The following TXLNB variants were observed in gnomAD, a reference collection of about 807,000 sequenced individuals.
TXLNB encodes the protein beta-taxilin.
TXLNB carries 37 observed loss-of-function variants against 57.4 expected under a neutral mutation model. That is an observed-to-expected ratio of 0.64 (90% confidence interval 0.50 to 0.85). TXLNB has a LOEUF of 0.85. Ranked by LOEUF, TXLNB falls within the 40% of genes least tolerant of loss-of-function variation. TXLNB has a pLI of 0.00. For synonymous variants in TXLNB, 302 were observed against 309.6 expected (o/e 0.98, Z 0.26); for missense variants, 848 against 825.6 (o/e 1.03, Z -0.33).
the TXLNB span, among the ~76,000 whole-genome samples, chr6:139,187,889 A>T: frequency 2.0e-5 from 3 of 152,228 alleles, no homozygotes; most frequent in Non-Finnish European, 4.4e-5. Flanking sequence ...TGTTAAATGA[A>T]ATCATTAAAT....
the TXLNB span, among the ~76,000 whole-genome samples, chr6:139,225,761 C>T: frequency 6.6e-6 from 1 of 152,086 alleles, no homozygotes; most frequent in East Asian, 1.9e-4. Context: ...TTGATTTATA[C>T]ATTAAATTCA....
the TXLNB span, among the ~76,000 whole-genome samples, chr6:139,217,599 C>T: frequency 0.25 from 37,606 of 151,930 alleles, 5,070 homozygotes; most frequent in African/African-American, 0.36. Context: ...CTGGGCGTGG[C>T]GGCTCACACC....
At chr6:139,271,741 G>A (rs940550865) in intron 3 of TXLNB, 23 of 152,184 alleles carry the variant, frequency 1.5e-4, no homozygotes, top group African/African-American at 4.8e-4. Flanking sequence ...GTGGACTCTA[G>A]GAGTGTCGAT....
chr6:139,230,602 T>G, the TXLNB span, among the ~76,000 whole-genome samples: 1 of 152,214 alleles, frequency 6.6e-6, no homozygotes, highest in African/African-American at 2.4e-5. Flanking sequence ...CTGGTCTCTG[T>G]GAGGAATGGC....
At chr6:139,234,910 A>G in the TXLNB span, among the ~76,000 whole-genome samples, 1 of 152,200 alleles carries the variant, frequency 6.6e-6, no homozygotes, top group African/African-American at 2.4e-5. Context: ...AGGGCACTGC[A>G]CCCTGCAAAG....
rs1777090004 is a variant in TXLNB, at chr6:139,283,020, TAGG to T, written c.424+5453_424+5455del. 3 of 144,940 alleles carry T rather than the reference TAGG, an allele frequency of 2.1e-5. 1 individual carries two copies. In the South Asian group the frequency reaches 7.0e-4, roughly 34 times the overall value. The allele number at this position is 144,940 out of a possible 1,614,324, so 9.0% of individuals were successfully genotyped here. A position where few individuals can be genotyped will look rare whatever the true frequency, so the allele number is the denominator to read the frequency against. On this transcript the variant is annotated intron_variant, in intron 2 of 9. Transcript: ENST00000358430. Reference sequence around the variant, plus strand: ...TACCTCTGAGCCTGGAGGATGCGAGTAGGAGAACAAAGGGGATACTTTAGATGT... The same window carrying T: ...TACCTCTGAGCCTGGAGGATGCGAGTAGAACAAAGGGGATACTTTAGATGT...
intron 2 of TXLNB, among the ~76,000 whole-genome samples, chr6:139,283,659 T>G (rs1208447847): frequency 6.9e-6 from 1 of 145,616 alleles, no homozygotes; most frequent in Non-Finnish European, 1.5e-5. Flanking sequence ...CCATCACTAT[T>G]TTAGATCTTC....
the TXLNB span, among the ~76,000 whole-genome samples, chr6:139,161,514 C>T: frequency 7.3e-3 from 1,106 of 152,290 alleles, 11 homozygotes; most frequent in African/African-American, 0.025. Context: ...CATGTGTGCA[C>T]TTCTGTTAGA....
chr6:139,278,898 G>T (rs1331454856), intron 2 of TXLNB, among the ~76,000 whole-genome samples: 1 of 152,174 alleles, frequency 6.6e-6, no homozygotes, highest in East Asian at 1.9e-4. Context: ...CAGCTACTCG[G>T]GAGGCTGAGG....
chr6:139,170,049 T>C, the TXLNB span: 4 of 152,234 alleles, frequency 2.6e-5, no homozygotes, highest in Non-Finnish European at 4.4e-5. Context: ...AGGGTTGAAA[T>C]AACCTCATTG....
the TXLNB span, among the ~76,000 whole-genome samples, chr6:139,230,922 C>A: frequency 2.0e-5 from 3 of 152,318 alleles, no homozygotes; most frequent in Admixed American, 2.0e-4. Context: ...AGCCCCAACA[C>A]ATACACATTG....
intron 8 of TXLNB, 21 bp downstream of exon 8, chr6:139,247,796 T>C (rs764755899): frequency 2.0e-6 from 3 of 1,516,288 alleles, no homozygotes; most frequent in East Asian, 2.3e-5. Context: ...CAATATTTTG[T>C]TGGTGATAAG....
chr6:139,218,148 T>A, the TXLNB span, among the ~76,000 whole-genome samples: 2 of 152,190 alleles, frequency 1.3e-5, 1 homozygote, highest in South Asian at 4.1e-4. Context: ...GCAGCAAATG[T>A]GTGACCAATT....
chr6:139,266,383 G>A (rs1776615256), intron 4 of TXLNB, among the ~76,000 whole-genome samples: 1 of 152,154 alleles, frequency 6.6e-6, no homozygotes, highest in Non-Finnish European at 1.5e-5. Context: ...AAAATCTCAG[G>A]TGAGAGGTTA....
the TXLNB span, among the ~76,000 whole-genome samples, chr6:139,188,318 A>G: frequency 6.6e-6 from 1 of 152,348 alleles, no homozygotes; most frequent in East Asian, 1.9e-4. Context: ...TGGCAGGCAG[A>G]TAAAATCTGT....
chr6:139,287,742 T>C lies in TXLNB; in HGVS notation c.424+734A>G, dbSNP rs114368241. ...TATGTACAGTAACATGCTTCACTCATAGTTTTAAAAATTAACGTTCTCACC... is the reference window on the plus strand; with the variant it reads ...TATGTACAGTAACATGCTTCACTCACAGTTTTAAAAATTAACGTTCTCACC... On this transcript the variant is annotated intron_variant, in intron 2 of 9. Coordinates refer to ENST00000358430, the MANE Select transcript of TXLNB (RefSeq NM_153235.4). 2.0e-3 allele frequency among the ~76,000 whole-genome samples: 312 copies of C among 152,338 alleles called. 6 individuals are homozygous for C. In the East Asian group the frequency reaches 0.03, roughly 15 times the overall value.
At chr6:139,262,048 C>T (rs746858219) in intron 5 of TXLNB, among the ~76,000 whole-genome samples, 3 of 151,588 alleles carry the variant, frequency 2.0e-5, no homozygotes, top group Non-Finnish European at 2.9e-5. Flanking sequence ...GGATTACAGG[C>T]GCCCACCACC....
upstream of TXLNB, among the ~76,000 whole-genome samples, chr6:139,293,341 C>T (rs951487431): frequency 1.3e-5 from 2 of 152,108 alleles, no homozygotes; most frequent in Non-Finnish European, 2.9e-5. Context: ...CCGCCCACCT[C>T]GGCCTCCCAA....
the TXLNB span, among the ~76,000 whole-genome samples, chr6:139,215,422 T>C: frequency 6.6e-6 from 1 of 152,162 alleles, no homozygotes; most frequent in Admixed American, 6.6e-5. Flanking sequence ...TGGCTAGCCA[T>C]ATATAGAAAG....
Sources: allele counts gnomAD v4.1 joint callset (sites outside exome capture counted in the v4.1 genomes callset), GRCh38; gene constraint gnomAD v4.1.1; transcripts MANE v1.5; gene names NCBI Gene and HGNC (gene_info 2026-07-23, HGNC 2026-07-21).